Variants in TOX observed in about 807,000 individuals in gnomAD.
TOX encodes the protein thymocyte selection-associated high mobility group box protein TOX.
A neutral mutation model predicts 53.7 loss-of-function variants in TOX; 11 were observed. The ratio of observed to expected loss-of-function variants is 0.20; its 90% CI spans 0.13 to 0.34. The LOEUF is 0.34. TOX is among the 10% of genes least tolerant of loss of function. TOX has a pLI of 1.00. For missense variants in TOX, 570 were observed against 664.6 expected, an observed-to-expected ratio of 0.86 and a Z score of 1.56; for synonymous variants, 225 against 245.3, an observed-to-expected ratio of 0.92 and a Z score of 0.77.
chr8:58,937,396 G>A (rs1812362517), intron 3 of TOX, among the ~76,000 whole-genome samples: 1 of 152,178 alleles, frequency 6.6e-6, no homozygotes, highest in South Asian at 2.1e-4. Context: ...ATGAACAGAA[G>A]GAAGCTCCTG....
chr8:58,849,215 G>A (rs986694098), intron 4 of TOX, among the ~76,000 whole-genome samples: 1 of 152,072 alleles, frequency 6.6e-6, no homozygotes, highest in Admixed American at 6.6e-5. Flanking sequence ...TTGGAATGAA[G>A]GGTTACTTTT....
rs3084429 is a variant in TOX at position 59,108,655 on chromosome 8, A to AACAC, written c.102+10227_102+10230dup. ...CTGAAGATTCCTAAATCATAAAGGA[A>AACAC]ACACACACACACACACACACACACA... On this transcript the variant is annotated intron_variant, in intron 1 of 8. Coordinates refer to ENST00000361421, the MANE Select transcript of TOX (RefSeq NM_014729.3). 1.3e-3 allele frequency among the ~76,000 whole-genome samples: 194 copies of AACAC among 147,548 alleles called. 1 individual carries two copies. The highest frequency in any genetic ancestry group is 3.6e-3 in the African/African-American group (142 of 39,206).
intron 1 of TOX, among the ~76,000 whole-genome samples, chr8:59,063,560 A>C (rs1295134723): frequency 6.6e-6 from 1 of 151,722 alleles, no homozygotes; most frequent in Non-Finnish European, 1.5e-5. Flanking sequence ...AGTAGCTGGA[A>C]CTACAGGTGC....
At chr8:58,847,722 C>T (rs997914839) in intron 4 of TOX, among the ~76,000 whole-genome samples, 3 of 151,922 alleles carry the variant, frequency 2.0e-5, no homozygotes, top group African/African-American at 7.3e-5. Flanking sequence ...CTGCAGGACA[C>T]CAAAGACAAG....
intron 2 of TOX, among the ~76,000 whole-genome samples, chr8:58,939,870 C>T (rs7813733): frequency 0.29 from 44,796 of 151,984 alleles, 7,019 homozygotes; most frequent in East Asian, 0.4. Context: ...GGGAATTGTA[C>T]GGAAGGAAGG....
intron 1 of TOX, among the ~76,000 whole-genome samples, chr8:59,074,360 A>G (rs1187766293): frequency 6.6e-6 from 1 of 152,214 alleles, no homozygotes; most frequent in Non-Finnish European, 1.5e-5. Flanking sequence ...GAAGCAGATG[A>G]AGAGTGAAGC....
At chr8:58,862,979 A>G (rs1185377742) in intron 3 of TOX, among the ~76,000 whole-genome samples, 1 of 152,132 alleles carries the variant, frequency 6.6e-6, no homozygotes, top group Non-Finnish European at 1.5e-5. Flanking sequence ...ACTAATAATA[A>G]GGTTTTAATA....
intron 3 of TOX, among the ~76,000 whole-genome samples, chr8:58,923,314 A>G (rs74837056): frequency 2.9e-3 from 448 of 152,276 alleles, no homozygotes; most frequent in Non-Finnish European, 4.3e-3. Flanking sequence ...ATGAGGGCAG[A>G]TTTCAAAATG....
intron 3 of TOX, among the ~76,000 whole-genome samples, chr8:58,907,232 T>G (rs1249372128): frequency 6.6e-6 from 1 of 152,228 alleles, no homozygotes; most frequent in African/African-American, 2.4e-5. Context: ...AAACACAGGA[T>G]GTACATCAAA....
chr8:59,073,962 C>T (rs1485970430), intron 1 of TOX, among the ~76,000 whole-genome samples: 1 of 152,144 alleles, frequency 6.6e-6, no homozygotes, highest in African/African-American at 2.4e-5. Context: ...TCCTCATTGT[C>T]CTTGGTATTT....
chr8:59,112,476 T>C (rs575759247), intron 1 of TOX, among the ~76,000 whole-genome samples: 19 of 152,306 alleles, frequency 1.2e-4, no homozygotes, highest in African/African-American at 4.3e-4. Flanking sequence ...AGCGGTATCA[T>C]CTTGGCACTG....
intron 2 of TOX, among the ~76,000 whole-genome samples, chr8:58,945,041 G>A (rs2129177036): frequency 6.6e-6 from 1 of 152,300 alleles, no homozygotes; most frequent in African/African-American, 2.4e-5. Context: ...AAGATGGTGG[G>A]GAACAGGGTG....
At chr8:58,814,606 C>T (rs1810141755) in intron 7 of TOX, 1 of 152,042 alleles carries the variant, frequency 6.6e-6, no homozygotes, top group Non-Finnish European at 1.5e-5. Context: ...TTCAGGATGC[C>T]TTCTGTTCAG....
In TOX at chr8:59,047,203, G is replaced by GTTTT. The variant is rs10551461; in HGVS notation, c.102+71679_102+71682dup. ...TTATTGAACAATTCCACCAAGAATTGTTTTTTTTTTTTTTTTTTTTTTTTT... is the reference window on the plus strand; with the variant it reads ...TTATTGAACAATTCCACCAAGAATTGTTTTTTTTTTTTTTTTTTTTTTTTTTTTT... On this transcript the variant is annotated intron_variant, in intron 1 of 8. Coordinates refer to ENST00000361421, the MANE Select transcript of TOX (RefSeq NM_014729.3). Among the ~76,000 whole-genome samples the GTTTT allele has an allele frequency of 5.4e-3, 243 of 44,734 alleles. 6 individuals are homozygous for GTTTT. Among genetic ancestry groups the GTTTT allele is most frequent in the Middle Eastern group, 0.029 (2 of 68 alleles). 29.3% of individuals were successfully genotyped at this position (44,734 alleles called of 152,430 possible).
chr8:58,978,693 T>C (rs2129416639), intron 1 of TOX, among the ~76,000 whole-genome samples: 1 of 152,304 alleles, frequency 6.6e-6, no homozygotes, highest in East Asian at 1.9e-4. Flanking sequence ...ACTATAAACA[T>C]GGTGGTCCAT....
chr8:59,024,118 G>T (rs892988112), intron 1 of TOX, among the ~76,000 whole-genome samples: 1 of 152,074 alleles, frequency 6.6e-6, no homozygotes, highest in Non-Finnish European at 1.5e-5. Flanking sequence ...TCTCTCTCTC[G>T]CACTGGATTA....
At chr8:59,095,821 CAT>C (rs1804703563) in intron 1 of TOX, among the ~76,000 whole-genome samples, 1 of 152,236 alleles carries the variant, frequency 6.6e-6, no homozygotes. Context: ...TTTAGGTAGG[CAT>C]GCTAGCACTC....
intron 1 of TOX, among the ~76,000 whole-genome samples, chr8:59,033,452 G>T (rs1814395801): frequency 6.6e-6 from 1 of 152,206 alleles, no homozygotes; most frequent in Non-Finnish European, 1.5e-5. Context: ...ATGAGTGGTG[G>T]TGGATGGTTG....
chr8:59,072,073 C>T (rs531030126), intron 1 of TOX, among the ~76,000 whole-genome samples: 1 of 152,166 alleles, frequency 6.6e-6, no homozygotes, highest in South Asian at 2.1e-4. Context: ...TCCTTTTCCA[C>T]CAACCTCCTA....
Sources: allele counts gnomAD v4.1 joint callset (sites outside exome capture counted in the v4.1 genomes callset), GRCh38; gene constraint gnomAD v4.1.1; transcripts MANE v1.5; gene names NCBI Gene and HGNC (gene_info 2026-07-23, HGNC 2026-07-21).